The following CAMKMT variants were observed in gnomAD, a reference collection of about 807,000 sequenced individuals.
CAMKMT encodes calmodulin-lysine N-methyltransferase.
In CAMKMT, 53 loss-of-function variants were observed where a neutral mutation model predicts 48.0. The observed-to-expected ratio is 1.10, with a 90% confidence interval of 0.89 to 1.39. The LOEUF is 1.39. Among genes scored for constraint, CAMKMT ranks in the 40% most tolerant of loss-of-function variants. The pLI, the probability that CAMKMT is intolerant of heterozygous loss-of-function variation, is 0.00. For missense variants in CAMKMT, 428 were observed against 402.7 expected, an observed-to-expected ratio of 1.06 and a Z score of -0.54; for synonymous variants, 165 against 152.3, an observed-to-expected ratio of 1.08 and a Z score of -0.61.
intron 3 of CAMKMT, among the ~76,000 whole-genome samples, chr2:44,559,001 A>C (rs1053285344): frequency 1.3e-5 from 2 of 152,038 alleles, no homozygotes; most frequent in Non-Finnish European, 2.9e-5. Flanking sequence ...AGATAGATAG[A>C]TAGATAAACA....
chr2:44,429,082 ACTCTTCTTAC>A (rs1684468647), intron 3 of CAMKMT, among the ~76,000 whole-genome samples: 1 of 152,056 alleles, frequency 6.6e-6, no homozygotes, highest in South Asian at 2.1e-4. Flanking sequence ...AAAGAGCCCA[ACTCTTCTTAC>A]AGGGCTCCTT....
intron 9 of CAMKMT, among the ~76,000 whole-genome samples, chr2:44,759,378 C>A (rs1252327269): frequency 6.6e-6 from 1 of 152,206 alleles, no homozygotes; most frequent in Non-Finnish European, 1.5e-5. Flanking sequence ...CCTTGGCCTC[C>A]CAAAGTGCTG....
chr2:44,589,109 G>A lies in CAMKMT; in HGVS notation c.377-115174G>A, dbSNP rs1187166076. Among the ~76,000 whole-genome samples, 2 of 29,696 alleles carry A rather than the reference G, an allele frequency of 6.7e-5. 1 individual carries two copies. The highest frequency in any genetic ancestry group is 1.4e-4 in the Non-Finnish European group (2 of 14,568). 19.5% of individuals were successfully genotyped at this position (29,696 alleles called of 152,430 possible). On this transcript the variant is annotated intron_variant, in intron 3 of 10. Coordinates refer to ENST00000378494, the MANE Select transcript of CAMKMT (RefSeq NM_024766.5). Reference sequence around the variant, plus strand: ...GAAGTGAGGAGCCCCTCTGCCTGGCGAGCCGCCCCGTCTGGGAGGGTGGTG... The same window carrying A: ...GAAGTGAGGAGCCCCTCTGCCTGGCAAGCCGCCCCGTCTGGGAGGGTGGTG...
intron 3 of CAMKMT, among the ~76,000 whole-genome samples, chr2:44,592,961 C>G (rs1670396603): frequency 6.6e-6 from 1 of 152,130 alleles, no homozygotes; most frequent in African/African-American, 2.4e-5. Flanking sequence ...CTTCTATGTC[C>G]TTACTGGTTT....
intron 3 of CAMKMT, among the ~76,000 whole-genome samples, chr2:44,637,633 A>G (rs1392412814): frequency 6.6e-6 from 1 of 152,022 alleles, no homozygotes. Context: ...TACAAGCTGT[A>G]TTAGAAAAGG....
chr2:44,550,074 C>A (rs1667625279), intron 3 of CAMKMT, among the ~76,000 whole-genome samples: 1 of 152,168 alleles, frequency 6.6e-6, no homozygotes, highest in African/African-American at 2.4e-5. Context: ...AGAGCCAATA[C>A]CAGCACAAAG....
intron 3 of CAMKMT, among the ~76,000 whole-genome samples, chr2:44,656,125 G>GCTT (rs1674364101): frequency 6.6e-6 from 1 of 152,172 alleles, no homozygotes; most frequent in Admixed American, 6.6e-5. Flanking sequence ...TGTGAAAAGA[G>GCTT]CTCTTTCTGA....
intron 3 of CAMKMT, among the ~76,000 whole-genome samples, chr2:44,488,660 C>T (rs953450817): frequency 1.3e-5 from 2 of 151,890 alleles, no homozygotes; most frequent in Non-Finnish European, 2.9e-5. Context: ...CATGATTGCT[C>T]CACTGCACTC....
chr2:44,756,508 G>A (rs965056243), intron 9 of CAMKMT, among the ~76,000 whole-genome samples: 6 of 151,982 alleles, frequency 3.9e-5, no homozygotes, highest in African/African-American at 9.7e-5. Context: ...TTGGGAGGCC[G>A]AGGCGGGCGG....
rs568727795 is a variant in CAMKMT, at chr2:44,482,286, G to A, written c.376+91981G>A. On this transcript the variant is annotated intron_variant, in intron 3 of 10. Coordinates refer to ENST00000378494, the MANE Select transcript of CAMKMT (RefSeq NM_024766.5). Reference sequence around the variant, plus strand: ...TGTTTAACCTAGTGTCCATGTGTACGTATTGTACATATGACTAGTTTTGTA... The same window carrying A: ...TGTTTAACCTAGTGTCCATGTGTACATATTGTACATATGACTAGTTTTGTA... 1.2e-3 allele frequency among the ~76,000 whole-genome samples: 181 copies of A among 152,168 alleles called. 2 individuals are homozygous for A. Among genetic ancestry groups the A allele is most frequent in the Non-Finnish European group, 1.9e-3 (127 of 67,954 alleles).
intron 3 of CAMKMT, among the ~76,000 whole-genome samples, chr2:44,525,840 G>T (rs964183939): frequency 1.9e-5 from 2 of 105,776 alleles, no homozygotes; most frequent in African/African-American, 3.3e-5. Flanking sequence ...TCTTTCCCAA[G>T]AATTCTTTTC....
chr2:44,584,481 T>A (rs2103786533), intron 3 of CAMKMT, among the ~76,000 whole-genome samples: 1 of 152,316 alleles, frequency 6.6e-6, no homozygotes, highest in Admixed American at 6.5e-5. Context: ...ATTGATAATT[T>A]ATGGATAATA....
intron 3 of CAMKMT, among the ~76,000 whole-genome samples, chr2:44,694,850 G>C (rs530546392): frequency 5.3e-5 from 8 of 152,328 alleles, no homozygotes; most frequent in Non-Finnish European, 7.4e-5. Context: ...TCCTTTTCCA[G>C]ACAGAACTCT....
At chr2:44,575,834 C>T (rs775631871) in intron 3 of CAMKMT, among the ~76,000 whole-genome samples, 5 of 151,706 alleles carry the variant, frequency 3.3e-5, no homozygotes, top group Admixed American at 6.6e-5. Flanking sequence ...ACTCCAGTCT[C>T]GGTGACGGTG....
chr2:44,481,330 A>G (rs1251263515), intron 3 of CAMKMT, among the ~76,000 whole-genome samples: 4 of 152,084 alleles, frequency 2.6e-5, no homozygotes, highest in East Asian at 1.9e-4. Flanking sequence ...CAGTTTAATT[A>G]TGTGCATTTT....
chr2:44,435,882 G>A (rs1666209695), intron 3 of CAMKMT, among the ~76,000 whole-genome samples: 1 of 152,124 alleles, frequency 6.6e-6, no homozygotes, highest in Admixed American at 6.6e-5. Context: ...AATGGAGCAC[G>A]ACATAATAAT....
chr2:44,633,149 G>A (rs1223334376), intron 3 of CAMKMT, among the ~76,000 whole-genome samples: 1 of 152,022 alleles, frequency 6.6e-6, no homozygotes, highest in Non-Finnish European at 1.5e-5. Context: ...GAAGTCAAAA[G>A]TACACCCATT....
chr2:44,615,048 C>T (rs1241071917), intron 3 of CAMKMT, among the ~76,000 whole-genome samples: 1 of 144,610 alleles, frequency 6.9e-6, no homozygotes, highest in Non-Finnish European at 1.5e-5. Flanking sequence ...CCATCTCTGC[C>T]ACCTGAGTAG....
chr2:44,482,740 G>C (rs1020002782), intron 3 of CAMKMT, among the ~76,000 whole-genome samples: 1 of 151,904 alleles, frequency 6.6e-6, no homozygotes, highest in Admixed American at 6.6e-5. Flanking sequence ...AATCCATGTT[G>C]GATATTATTA....
Sources: gnomAD v4.1 joint callset for allele counts (sites outside exome capture counted in the v4.1 genomes callset) on GRCh38, gnomAD v4.1.1 for gene constraint, MANE v1.5 for transcripts, NCBI Gene and HGNC (gene_info 2026-07-23, HGNC 2026-07-21) for gene names.